Variants in CCDC171 observed in about 807,000 individuals in gnomAD.
The protein encoded by CCDC171 is coiled-coil domain-containing protein 171.
In CCDC171, 177 loss-of-function variants were observed where a neutral mutation model predicts 168.2. That is an observed-to-expected ratio of 1.05 (90% CI 0.93 to 1.19). The LOEUF (loss-of-function observed/expected upper bound fraction) is 1.19. Among genes scored for constraint, CCDC171 ranks in the 50% most tolerant of loss-of-function variants. The pLI is 0.00. For missense variants in CCDC171, 1,991 were observed against 1,539.0 expected, an observed-to-expected ratio of 1.29 and a Z score of -4.91; for synonymous variants, 687 against 540.8, an observed-to-expected ratio of 1.27 and a Z score of -3.75.
intron 7 of CCDC171, among the ~76,000 whole-genome samples, chr9:15,632,125 C>G (rs2045764067): frequency 6.6e-6 from 1 of 151,632 alleles, no homozygotes; most frequent in African/African-American, 2.4e-5. Flanking sequence ...CAGGGATGCC[C>G]TCTCTCACCA....
chr9:15,802,193 G>C (rs953533746), intron 21 of CCDC171, among the ~76,000 whole-genome samples: 1 of 150,916 alleles, frequency 6.6e-6, no homozygotes, highest in African/African-American at 2.4e-5. Context: ...TCCTACTGAG[G>C]GTTTATTGAG....
intron 16 of CCDC171, among the ~76,000 whole-genome samples, chr9:15,740,277 T>G (rs1438847014): frequency 6.6e-6 from 1 of 152,182 alleles, no homozygotes; most frequent in Non-Finnish European, 1.5e-5. Context: ...ATCCAGTTAT[T>G]TCACCACCAT....
chr9:15,781,537 CAGT>C (rs1473453979), intron 20 of CCDC171, among the ~76,000 whole-genome samples: 1 of 152,084 alleles, frequency 6.6e-6, no homozygotes, highest in Non-Finnish European at 1.5e-5. Flanking sequence ...CCTGCCTCAG[CAGT>C]AGTTGGTGTT....
intron 18 of CCDC171, among the ~76,000 whole-genome samples, chr9:15,762,800 C>T (rs1005224628): frequency 6.6e-6 from 1 of 152,176 alleles, no homozygotes; most frequent in Non-Finnish European, 1.5e-5. Flanking sequence ...CACCCCTGCT[C>T]CTACCTGGTC....
intron 1 of CCDC171, among the ~76,000 whole-genome samples, chr9:15,554,849 T>C (rs886881203): frequency 6.6e-6 from 1 of 152,188 alleles, no homozygotes; most frequent in Non-Finnish European, 1.5e-5. Context: ...GCCTCAGTTT[T>C]CTTATCTGTG....
chr9:16,105,636 A>G, the CCDC171 span, among the ~76,000 whole-genome samples: 1 of 152,216 alleles, frequency 6.6e-6, no homozygotes, highest in South Asian at 2.1e-4. Context: ...AGTGAAGATA[A>G]TAGAAAACCA....
chr9:16,035,230 T>C (rs897971221), intron 6 of CCDC171, among the ~76,000 whole-genome samples: 4 of 152,158 alleles, frequency 2.6e-5, no homozygotes, highest in African/African-American at 9.7e-5. Flanking sequence ...AAGAACATAC[T>C]AAGAAAGAAT....
chr9:16,043,050 T>A (rs1283244727), intron 1 of CCDC171: 2 of 152,106 alleles, frequency 1.3e-5, no homozygotes, highest in African/African-American at 4.8e-5. Flanking sequence ...TGCCCAGGTA[T>A]CAGATGAGTG....
the CCDC171 span, among the ~76,000 whole-genome samples, chr9:16,106,525 G>T: frequency 1.6e-3 from 241 of 152,160 alleles, 1 homozygote; most frequent in Non-Finnish European, 2.9e-3. Flanking sequence ...AACCCCAAAG[G>T]GTTTCCCAAG....
At chr9:15,874,350 TC>T (rs1174711249) in intron 23 of CCDC171, among the ~76,000 whole-genome samples, 181 bp from the exon 24 acceptor site, 3 of 151,980 alleles carry the variant, frequency 2.0e-5, no homozygotes, top group African/African-American at 7.2e-5. Context: ...CTTAACATTC[TC>T]CCCCAGCACT....
chr9:16,092,868 C>T, the CCDC171 span, among the ~76,000 whole-genome samples: 2 of 152,304 alleles, frequency 1.3e-5, no homozygotes, highest in African/African-American at 2.4e-5. Flanking sequence ...GCTGAAGCCT[C>T]AGGCCAGCTG....
chr9:15,668,308 G>A (rs1160315571), intron 9 of CCDC171, among the ~76,000 whole-genome samples: 1 of 152,136 alleles, frequency 6.6e-6, no homozygotes, highest in East Asian at 1.9e-4. Flanking sequence ...TAAGCTCTGA[G>A]TCTAACCTAT....
At chr9:16,081,125 A>G in the CCDC171 span, among the ~76,000 whole-genome samples, 1 of 152,342 alleles carries the variant, frequency 6.6e-6, no homozygotes, top group South Asian at 2.1e-4. Flanking sequence ...ATCAGAGCCA[A>G]CATTCTTCTC....
At chr9:15,804,562 C>T (rs1038795457) in intron 21 of CCDC171, among the ~76,000 whole-genome samples, 1 of 151,898 alleles carries the variant, frequency 6.6e-6, no homozygotes, top group African/African-American at 2.4e-5. Context: ...TGAACCCCAA[C>T]CTTGCATCCT....
At chr9:16,089,134 G>A in the CCDC171 span, among the ~76,000 whole-genome samples, 1 of 152,042 alleles carries the variant, frequency 6.6e-6, no homozygotes, top group African/African-American at 2.4e-5. Flanking sequence ...TTAATAAATG[G>A]TGTTGGGAAA....
At chr9:15,884,389 T>A (rs1819112979) in intron 24 of CCDC171, among the ~76,000 whole-genome samples, 1 of 152,212 alleles carries the variant, frequency 6.6e-6, no homozygotes, top group Non-Finnish European at 1.5e-5. Flanking sequence ...TATATATAGA[T>A]TGCTTAGTTT....
chr9:15,904,619 A>G (rs1822241022), intron 24 of CCDC171, among the ~76,000 whole-genome samples: 1 of 152,168 alleles, frequency 6.6e-6, no homozygotes, highest in Non-Finnish European at 1.5e-5. Context: ...TCAACTAACG[A>G]GCAAAATAAC....
At chr9:15,561,272 G>T (rs1490914828) in intron 1 of CCDC171, among the ~76,000 whole-genome samples, 2 of 152,198 alleles carry the variant, frequency 1.3e-5, no homozygotes, top group Admixed American at 6.5e-5. Context: ...TTTTGTGACA[G>T]TTGGAATGAT....
intron 7 of CCDC171, among the ~76,000 whole-genome samples, chr9:15,644,621 A>C (rs900188917): frequency 3.9e-5 from 6 of 152,242 alleles, no homozygotes; most frequent in Non-Finnish European, 8.8e-5. Flanking sequence ...GGAGAGTCCC[A>C]TGCCCACGGA....
Sources: allele counts gnomAD v4.1 joint callset (sites outside exome capture counted in the v4.1 genomes callset), GRCh38; gene constraint gnomAD v4.1.1; transcripts MANE v1.5; gene names NCBI Gene and HGNC (gene_info 2026-07-23, HGNC 2026-07-21).